Variants in PCBP3 observed in about 807,000 individuals in gnomAD.
The protein encoded by PCBP3 is poly(rC)-binding protein 3.
Under a neutral mutation model 52.7 loss-of-function variants are expected in PCBP3, and 25 were observed. The observed-to-expected ratio is 0.47, with a 90% CI of 0.35 to 0.66. PCBP3 has a LOEUF of 0.66. Ranked by LOEUF, PCBP3 falls within the 30% of genes least tolerant of loss-of-function variation. The pLI, the probability that PCBP3 is intolerant of heterozygous loss-of-function variation, is 0.01. For synonymous variants in PCBP3, 162 were observed against 183.0 expected, an observed-to-expected ratio of 0.89 and a Z score of 0.93; for missense variants, 391 against 490.3, an observed-to-expected ratio of 0.80 and a Z score of 1.91.
intron 3 of PCBP3, among the ~76,000 whole-genome samples, chr21:45,740,708 GGTGA>G (rs2086377808): frequency 6.6e-6 from 1 of 151,766 alleles, no homozygotes; most frequent in Non-Finnish European, 1.5e-5. Flanking sequence ...TGTGTGTGCA[GGTGA>G]GTGTGTATAT....
At chr21:45,787,072 CT>C (rs1294215752) in intron 4 of PCBP3, among the ~76,000 whole-genome samples, 1 of 152,196 alleles carries the variant, frequency 6.6e-6, no homozygotes, top group Non-Finnish European at 1.5e-5. Context: ...ATAGTGCCTG[CT>C]TTTTAATCTG....
chr21:45,869,539 G>GCTGCTC (rs1003211107), intron 5 of PCBP3, among the ~76,000 whole-genome samples: 3 of 152,272 alleles, frequency 2.0e-5, no homozygotes, highest in Admixed American at 1.3e-4. Flanking sequence ...TGGGGTGACC[G>GCTGCTC]CTGCTCCTGC....
chr21:45,825,420 G>A lies in PCBP3; in HGVS notation c.-125-24541G>A, dbSNP rs1457772699. Among the ~76,000 whole-genome samples the A allele has an allele frequency of 5.3e-5, 8 of 152,240 alleles. No individual in the cohort carries two copies. The East Asian group carries it at 1.4e-3, about 26-fold the overall frequency. On this transcript the variant is annotated intron_variant, in intron 4 of 17. Coordinates refer to ENST00000681687, the MANE Select transcript of PCBP3 (RefSeq NM_001384156.1). ...CCGCCGTGGAGAGCCCAGGACCTGA[G>A]CGCTCAGCTGGCCCTCCTGTGTGAC...
chr21:45,693,996 G>A (rs1245329943), intron 2 of PCBP3, among the ~76,000 whole-genome samples: 1 of 152,130 alleles, frequency 6.6e-6, no homozygotes, highest in Non-Finnish European at 1.5e-5. Context: ...ACTCTTCTGA[G>A]ATTTTTAAAG....
chr21:45,897,488 A>G (rs558621322), intron 6 of PCBP3, among the ~76,000 whole-genome samples: 2 of 152,234 alleles, frequency 1.3e-5, no homozygotes, highest in East Asian at 3.9e-4. Context: ...CTGTCCTCAG[A>G]CTTTCAGAGC....
At chr21:45,750,647 A>G (rs147511089) in intron 3 of PCBP3, 1 of 152,048 alleles carries the variant, frequency 6.6e-6, no homozygotes, top group Non-Finnish European at 1.5e-5. Flanking sequence ...ACTTTTCCAT[A>G]TAATGTTTCA....
chr21:45,773,739 A>G (rs539831815), intron 4 of PCBP3, among the ~76,000 whole-genome samples: 307 of 152,118 alleles, frequency 2.0e-3, no homozygotes, highest in African/African-American at 6.8e-3. Context: ...TTGGTTCCAT[A>G]TGGATTTTAG....
intron 16 of PCBP3, among the ~76,000 whole-genome samples, chr21:45,939,157 C>T (rs2077186949): frequency 6.6e-6 from 1 of 152,246 alleles, no homozygotes; most frequent in Admixed American, 6.5e-5. Context: ...CGGGCACCCT[C>T]CAGTCTGGGG....
At chr21:45,758,245 A>G (rs1199366445) in intron 4 of PCBP3, among the ~76,000 whole-genome samples, 2 of 152,178 alleles carry the variant, frequency 1.3e-5, no homozygotes, top group Non-Finnish European at 2.9e-5. Context: ...TGAAATTGAC[A>G]AGGGTGAGTC....
chr21:45,847,564 G>C (rs988872168), intron 4 of PCBP3, among the ~76,000 whole-genome samples: 2 of 152,192 alleles, frequency 1.3e-5, no homozygotes, highest in Non-Finnish European at 2.9e-5. Context: ...TTTCTCTAGA[G>C]CTTTAATTTT....
chr21:45,770,811 G>T (rs1042555007), intron 4 of PCBP3, among the ~76,000 whole-genome samples: 2 of 151,618 alleles, frequency 1.3e-5, no homozygotes, highest in East Asian at 3.9e-4. Flanking sequence ...TGTGGCTGGG[G>T]CCAGCCTCTG....
At chr21:45,750,947 A>AC (rs1235024317) in intron 3 of PCBP3, 1 of 152,104 alleles carries the variant, frequency 6.6e-6, no homozygotes, top group Non-Finnish European at 1.5e-5. Flanking sequence ...TATAAAACAG[A>AC]CAAGTCCCAC....
Position 45,870,673 on chromosome 21 carries a change from C to G in PCBP3, c.10+20578C>G, listed in dbSNP as rs574666809. Among the ~76,000 whole-genome samples the G allele has an allele frequency of 7.2e-5, 11 of 152,346 alleles. No homozygotes were observed. The East Asian group carries it at 9.6e-4, about 13-fold the overall frequency. ...GCACAGCAGGGTTGACTGGGAGGAC[C>G]AGAGGGTCCAAACCCTACTGCCACT... On this transcript the variant is annotated intron_variant, in intron 5 of 17. Transcript: ENST00000681687.
intron 2 of PCBP3, among the ~76,000 whole-genome samples, chr21:45,717,117 G>A (rs1444182812): frequency 2.6e-5 from 4 of 151,784 alleles, no homozygotes; most frequent in Non-Finnish European, 4.4e-5. Flanking sequence ...CTGCTATTAC[G>A]AATGGATTTT....
intron 2 of PCBP3, among the ~76,000 whole-genome samples, chr21:45,699,969 C>T (rs1333032178): frequency 6.6e-6 from 1 of 152,172 alleles, no homozygotes; most frequent in African/African-American, 2.4e-5. Flanking sequence ...TCATGCCTTC[C>T]CAACAGTTCC....
intron 4 of PCBP3, among the ~76,000 whole-genome samples, chr21:45,822,538 G>C (rs1454779500): frequency 6.6e-6 from 1 of 152,148 alleles, no homozygotes; most frequent in Non-Finnish European, 1.5e-5. Flanking sequence ...GCATGGGACA[G>C]GGTTAGGAGA....
chr21:45,899,637 A>C lies in PCBP3; in HGVS notation c.189+15A>C, dbSNP rs199686820. The C allele has an allele frequency of 2.5e-4, 407 of 1,599,776 alleles. No homozygotes were observed. The highest frequency in any genetic ancestry group is 3.2e-4 in the Non-Finnish European group (379 of 1,167,216). ...TCATCGGGAAGGTAATTATTGATTG[A>C]ATCTCTGCCTCTCCTGGGGTCTCTG... On this transcript the variant is annotated intron_variant, in intron 7 of 17. Transcript: ENST00000681687.
intron 10 of PCBP3, among the ~76,000 whole-genome samples, chr21:45,909,778 GCCCAGATACGGACCCCCCCC>G (rs2096299273): frequency 4.6e-5 from 1 of 21,658 alleles, no homozygotes; most frequent in African/African-American, 2.2e-4. Context: ...CCCACCCACT[GCCCAGATACGGACCCCCCCC>G]CCACCCACTG....
At chr21:45,886,569 C>T (rs2095529287) in intron 5 of PCBP3, among the ~76,000 whole-genome samples, 1 of 141,344 alleles carries the variant, frequency 7.1e-6, no homozygotes, top group Non-Finnish European at 1.5e-5. Context: ...GTGGAGGAGG[C>T]CTCATTGCCG....
Sources: gnomAD v4.1 joint callset for allele counts (sites outside exome capture counted in the v4.1 genomes callset) on GRCh38, gnomAD v4.1.1 for gene constraint, MANE v1.5 for transcripts, NCBI Gene and HGNC (gene_info 2026-07-23, HGNC 2026-07-21) for gene names.